Variants in KLF3 observed in about 807,000 individuals in gnomAD.
KLF3 encodes KLF transcription factor 3, also known as Krueppel-like factor 3.
In KLF3, 6 loss-of-function variants were observed where a neutral mutation model predicts 32.7. The ratio of observed to expected loss-of-function variants is 0.18; its 90% confidence interval spans 0.10 to 0.36. KLF3 has a LOEUF of 0.36. Ranked by LOEUF, KLF3 falls within the 10% of genes least tolerant of loss-of-function variation. The probability of loss-of-function intolerance (pLI) is 1.00; values close to 1 mark genes in which losing one functional copy is unlikely to be tolerated. For synonymous variants in KLF3, 145 were observed against 172.8 expected (o/e 0.84, Z 1.26); for missense variants, 338 against 449.7 (o/e 0.75, Z 2.25).
At chr4:38,677,083 C>A (rs571980798) in intron 1 of KLF3, among the ~76,000 whole-genome samples, 183 of 151,864 alleles carry the variant, frequency 1.2e-3, no homozygotes, top group African/African-American at 4.2e-3. Context: ...GCCTCAGCCT[C>A]CCGAATAGCT....
chr4:38,695,624 C>G (rs1373988313), intron 5 of KLF3, among the ~76,000 whole-genome samples: 1 of 152,148 alleles, frequency 6.6e-6, no homozygotes, highest in Non-Finnish European at 1.5e-5. Flanking sequence ...GTGGTCCCAG[C>G]TCCTTGGGAG....
chr4:38,696,065 G>T (rs980383102), intron 5 of KLF3, among the ~76,000 whole-genome samples: 16 of 151,748 alleles, frequency 1.1e-4, no homozygotes, highest in Non-Finnish European at 2.9e-5. Flanking sequence ...AAACAGCAGT[G>T]CAAATCGATG....
At chr4:38,687,327 A>T (rs1027539734) in intron 2 of KLF3, among the ~76,000 whole-genome samples, 1 of 152,236 alleles carries the variant, frequency 6.6e-6, no homozygotes, top group Non-Finnish European at 1.5e-5. Context: ...AATTTTTTTA[A>T]ATTAAAAATT....
At chr4:38,689,207 C>A in intron 3 of KLF3, 136 bp downstream of exon 3, 1 of 1,072,224 alleles carries the variant, frequency 9.3e-7, no homozygotes, top group Non-Finnish European at 1.3e-6. Context: ...TAAGGCATTT[C>A]CTTCCCCCGC....
At chr4:38,689,216 GC>G (rs1268374336) in intron 3 of KLF3, 145 bp downstream of exon 3, 8 of 1,023,852 alleles carry the variant, frequency 7.8e-6, no homozygotes, top group Middle Eastern at 2.9e-4. Flanking sequence ...TCCTTCCCCC[GC>G]CCCCCCAAAG....
chr4:38,690,017 A>T, intron 4 of KLF3, 138 bp downstream of exon 4: 1 of 721,410 alleles, frequency 1.4e-6, no homozygotes, highest in Non-Finnish European at 2.2e-6. Context: ...CCACTGGTCC[A>T]GTACCACTGG....
At chr4:38,687,737 A>G (rs771644325) in intron 2 of KLF3, among the ~76,000 whole-genome samples, 8 of 152,338 alleles carry the variant, frequency 5.3e-5, no homozygotes, top group Non-Finnish European at 1.2e-4. Context: ...CGTGTCATCC[A>G]CAGACTTGCC....
At chr4:38,682,424 G>A (rs542218452) in intron 2 of KLF3, among the ~76,000 whole-genome samples, 1 of 152,228 alleles carries the variant, frequency 6.6e-6, no homozygotes, top group Admixed American at 6.5e-5. Flanking sequence ...CCCCTCCCCG[G>A]CATCACTACA....
At position 38,671,642 on chromosome 4, in the gene KLF3, T is replaced by TA. The variant is rs1482620167; in HGVS notation, c.-40+7182dup. 1.3e-5 allele frequency among the ~76,000 whole-genome samples: 2 copies of TA among 152,192 alleles called. No individual in the cohort carries two copies. Among genetic ancestry groups the TA allele is most frequent in the African/African-American group, 4.8e-5 (2 of 41,440 alleles). On this transcript the variant is annotated intron_variant, in intron 1 of 5. Coordinates refer to ENST00000261438, the MANE Select transcript of KLF3 (RefSeq NM_016531.6). This position sits in a 1 kb window ranked among gnomAD's most constrained non-coding sequence, Gnocchi z 4.4. Reference sequence around the variant, plus strand: ...CAAGGCCACCAGTCTTAAGTCAGACTACCTTGGGTTCAAGTCCTGGCTCTA... The same window carrying TA: ...CAAGGCCACCAGTCTTAAGTCAGACTAACCTTGGGTTCAAGTCCTGGCTCTA...
At chr4:38,669,344 T>C (rs1007913197) in intron 1 of KLF3, among the ~76,000 whole-genome samples, 7 of 152,092 alleles carry the variant, frequency 4.6e-5, no homozygotes, top group African/African-American at 7.2e-5. Context: ...GTCGCTAGCA[T>C]TCTCATTTTC....
intron 4 of KLF3, among the ~76,000 whole-genome samples, chr4:38,691,478 A>G (rs1385843206): frequency 1.3e-5 from 2 of 152,202 alleles, no homozygotes; most frequent in Non-Finnish European, 2.9e-5. Flanking sequence ...AAAACTAAAT[A>G]AAACCAACTG....
At position 38,688,702 on chromosome 4, in the gene KLF3, A is replaced by G; in HGVS notation, c.175A>G (p.Met59Val). The G allele has an allele frequency of 6.2e-7, 1 of 1,614,180 alleles. No homozygotes were observed. Among genetic ancestry groups the G allele is most frequent in the Non-Finnish European group, 8.5e-7 (1 of 1,180,036 alleles). Reference protein sequence around the residue: ...TPEGLSHGIQMEPVDLTVNKR... With the variant: ...TPEGLSHGIQVEPVDLTVNKR... ...AGAAGGTCTGTCGCACGGAATACAGATGGAGCCAGTGGACCTCACGGTGAA... is the reference window on the plus strand; with the variant it reads ...AGAAGGTCTGTCGCACGGAATACAGGTGGAGCCAGTGGACCTCACGGTGAA... Residue 59 changes from methionine to valine, a missense_variant, in exon 3 of 6, where the codon ATG becomes GTG. Transcript: ENST00000261438. The surrounding 1 kb of genome is among the most constrained non-coding windows in gnomAD (Gnocchi z 4.9).
chr4:38,694,960 G>GA, intron 5 of KLF3, 54 bp downstream of exon 5: 1 of 1,529,164 alleles, frequency 6.5e-7, no homozygotes, highest in Non-Finnish European at 8.8e-7. Context: ...TATTAGAATG[G>GA]AATGCAAAGG....
At chr4:38,684,680 A>G (rs1404033132) in intron 2 of KLF3, among the ~76,000 whole-genome samples, 2 of 150,974 alleles carry the variant, frequency 1.3e-5, no homozygotes, top group Non-Finnish European at 2.9e-5. Context: ...CAGCCTCCCC[A>G]GTAGCTGGGA....
intron 2 of KLF3, among the ~76,000 whole-genome samples, chr4:38,684,551 T>G (rs1722634746): frequency 1.3e-5 from 2 of 150,232 alleles, no homozygotes; most frequent in Middle Eastern, 3.4e-3. Flanking sequence ...GTTTTTTTTT[T>G]TTTTTTTTTT....
chr4:38,664,814 T>A (rs1375959620), intron 1 of KLF3: 1 of 151,684 alleles, frequency 6.6e-6, no homozygotes, highest in Non-Finnish European at 1.5e-5. Flanking sequence ...CCCGGCCTCC[T>A]CCCGCCCGCT....
intron 1 of KLF3, among the ~76,000 whole-genome samples, chr4:38,666,806 A>C (rs979803255): frequency 1.3e-5 from 2 of 152,230 alleles, no homozygotes; most frequent in Non-Finnish European, 2.9e-5. Flanking sequence ...GGAGGCTTAC[A>C]GTTGCTCCAA....
At chr4:38,665,117 CCA>C (rs1403742535) in intron 1 of KLF3, among the ~76,000 whole-genome samples, 1 of 152,042 alleles carries the variant, frequency 6.6e-6, no homozygotes, top group African/African-American at 2.4e-5. Context: ...AGGCAGCATC[CCA>C]TTCTCGGTTC....
intron 1 of KLF3, among the ~76,000 whole-genome samples, chr4:38,678,675 G>A (rs1269286537): frequency 3.3e-5 from 5 of 152,140 alleles, no homozygotes; most frequent in South Asian, 2.1e-4. Context: ...AGTATAACCC[G>A]TAGAGCACCA....
Sources: gnomAD v4.1 joint callset for allele counts (sites outside exome capture counted in the v4.1 genomes callset) on GRCh38, gnomAD v4.1.1 for gene constraint, Gnocchi (gnomAD v3.1) non-coding constraint, MANE v1.5 for transcripts, NCBI Gene and HGNC (gene_info 2026-07-23, HGNC 2026-07-21) for gene names.